The following CTNNA2 variants were observed in gnomAD, a reference collection of about 807,000 sequenced individuals.
CTNNA2 encodes the protein catenin alpha 2.
A neutral mutation model predicts 101.0 loss-of-function variants in CTNNA2; 42 were observed. The observed-to-expected ratio is 0.42, with a 90% CI of 0.32 to 0.54. The LOEUF is 0.54. CTNNA2 is among the 20% of genes least tolerant of loss of function. CTNNA2 has a pLI of 0.14. For missense variants in CTNNA2, 871 were observed against 1,223.1 expected (o/e 0.71, Z 4.29); for synonymous variants, 450 against 456.4 (o/e 0.99, Z 0.18).
chr2:79,993,079 G>T (rs963885689), intron 7 of CTNNA2, among the ~76,000 whole-genome samples: 3 of 150,790 alleles, frequency 2.0e-5, no homozygotes, highest in Non-Finnish European at 4.4e-5. Context: ...TATTTGAGGG[G>T]AAGAGCAGGA....
intron 15 of CTNNA2, among the ~76,000 whole-genome samples, chr2:80,593,479 C>T (rs1696687695): frequency 6.6e-6 from 1 of 152,100 alleles, no homozygotes; most frequent in Non-Finnish European, 1.5e-5. Flanking sequence ...TATATGACTA[C>T]TTAAATTGTT....
At chr2:79,355,855 G>C (rs891503527) in intron 3 of CTNNA2, among the ~76,000 whole-genome samples, 4 of 151,950 alleles carry the variant, frequency 2.6e-5, no homozygotes, top group Non-Finnish European at 5.9e-5. Context: ...TGGACATTTG[G>C]GTAGTTTCCA....
chr2:80,099,702 G>A (rs1281090550), intron 7 of CTNNA2, among the ~76,000 whole-genome samples: 4 of 150,354 alleles, frequency 2.7e-5, no homozygotes, highest in Non-Finnish European at 5.9e-5. Context: ...TATTTCTGGT[G>A]CCTCCATTAT....
intron 3 of CTNNA2, among the ~76,000 whole-genome samples, chr2:79,369,754 T>C (rs1677829658): frequency 6.6e-6 from 1 of 152,098 alleles, no homozygotes; most frequent in Non-Finnish European, 1.5e-5. Flanking sequence ...CCCATTTACC[T>C]CCACTGGGAG....
chr2:80,196,891 G>T (rs1164112437), intron 7 of CTNNA2, among the ~76,000 whole-genome samples: 1 of 152,158 alleles, frequency 6.6e-6, no homozygotes, highest in Non-Finnish European at 1.5e-5. Flanking sequence ...TGTGATTCTT[G>T]AAGTCCCTGC....
intron 2 of CTNNA2, among the ~76,000 whole-genome samples, chr2:79,234,600 A>G (rs1572992011): frequency 1.3e-5 from 2 of 152,262 alleles, no homozygotes; most frequent in Non-Finnish European, 2.9e-5. Flanking sequence ...CTTCAGGGAA[A>G]TTTTTATGAA....
rs891018597 is a variant in CTNNA2 at position 80,486,785 on chromosome 2, A to G, written c.1291-58197A>G. 2.0e-5 allele frequency among the ~76,000 whole-genome samples: 3 copies of G among 152,238 alleles called. No individual in the cohort carries two copies. The East Asian group carries it at 5.8e-4, about 29-fold the overall frequency. ...GTTAACATTTTATATATGACCTTACACCAATGCTGAGAAGTTAACAGTTGT... is the reference window on the plus strand; with the variant it reads ...GTTAACATTTTATATATGACCTTACGCCAATGCTGAGAAGTTAACAGTTGT... On this transcript the variant is annotated intron_variant, in intron 9 of 18. Transcript: ENST00000402739.
intron 1 of CTNNA2, among the ~76,000 whole-genome samples, chr2:79,549,362 G>A (rs572986851): frequency 2.1e-4 from 32 of 152,274 alleles, no homozygotes; most frequent in East Asian, 1.7e-3. Flanking sequence ...AAAGCATTGC[G>A]CTTTCTCCTT....
At chr2:79,761,332 G>A (rs1044222245) in intron 3 of CTNNA2, among the ~76,000 whole-genome samples, 19 of 152,092 alleles carry the variant, frequency 1.2e-4, no homozygotes, top group African/African-American at 3.6e-4. Flanking sequence ...AACAACCCAA[G>A]GGTAGTTTAA....
intron 3 of CTNNA2, among the ~76,000 whole-genome samples, chr2:79,339,111 G>T (rs1174612359): frequency 6.8e-6 from 1 of 147,590 alleles, no homozygotes; most frequent in Non-Finnish European, 1.5e-5. Flanking sequence ...AGGTATTAGT[G>T]AGTTTCTGTA....
intron 1 of CTNNA2, among the ~76,000 whole-genome samples, chr2:79,588,476 C>T (rs1336968186): frequency 5.9e-5 from 9 of 152,150 alleles, no homozygotes; most frequent in Admixed American, 5.9e-4. Flanking sequence ...GTACTAGTAT[C>T]ATGAAAATAT....
intron 6 of CTNNA2, among the ~76,000 whole-genome samples, chr2:79,899,664 C>A (rs376699651): frequency 2.0e-5 from 3 of 152,288 alleles, no homozygotes; most frequent in East Asian, 3.9e-4. Flanking sequence ...TTAAACTGAA[C>A]TGTTTAATTA....
intron 7 of CTNNA2, among the ~76,000 whole-genome samples, chr2:79,984,591 C>T (rs1028646910): frequency 6.6e-6 from 1 of 152,088 alleles, no homozygotes; most frequent in Admixed American, 6.6e-5. Flanking sequence ...GAAATGCAAC[C>T]GGGTTGAGAA....
At chr2:79,487,237 T>C in intron 4 of CTNNA2, among the ~76,000 whole-genome samples, 1 of 104,606 alleles carries the variant, frequency 9.6e-6, no homozygotes, top group Non-Finnish European at 1.9e-5. Context: ...GGAAAGATTG[T>C]AAATATTCTA....
chr2:79,339,849 C>T (rs1677088512), intron 3 of CTNNA2: 1 of 152,192 alleles, frequency 6.6e-6, no homozygotes, highest in Non-Finnish European at 1.5e-5. Context: ...AGACAGAGCT[C>T]AAACTCATAC....
At chr2:80,258,932 TTA>T (rs1266374623) in intron 7 of CTNNA2, among the ~76,000 whole-genome samples, 2 of 152,142 alleles carry the variant, frequency 1.3e-5, no homozygotes, top group Non-Finnish European at 2.9e-5. Flanking sequence ...GACATTATGA[TTA>T]AGTCTACTTC....
At chr2:79,386,770 T>A (rs35854226) in intron 4 of CTNNA2, among the ~76,000 whole-genome samples, 12,008 of 152,288 alleles carry the variant, frequency 0.079, 1,556 homozygotes, top group African/African-American at 0.27. Flanking sequence ...TAACCACAAC[T>A]TATTTAACAA....
chr2:80,177,185 TA>T (rs777591170), intron 7 of CTNNA2, among the ~76,000 whole-genome samples: 1 of 152,178 alleles, frequency 6.6e-6, no homozygotes, highest in African/African-American at 2.4e-5. Flanking sequence ...TGCACTTCTT[TA>T]GCTCTAAAGT....
chr2:80,342,580 C>A (rs1672339534), intron 7 of CTNNA2, among the ~76,000 whole-genome samples: 1 of 152,104 alleles, frequency 6.6e-6, no homozygotes, highest in Admixed American at 6.5e-5. Context: ...AAAATAGTTT[C>A]TTTCCAGGCA....
Sources: allele counts gnomAD v4.1 joint callset (sites outside exome capture counted in the v4.1 genomes callset), GRCh38; gene constraint gnomAD v4.1.1; transcripts MANE v1.5; gene names NCBI Gene and HGNC (gene_info 2026-07-23, HGNC 2026-07-21).